Variants in GTF2E2 observed in about 807,000 individuals in gnomAD.
GTF2E2 encodes transcription initiation factor IIE subunit beta.
GTF2E2 carries 21 observed loss-of-function variants against 40.5 expected under a neutral mutation model. The observed-to-expected ratio is 0.52, with a 90% CI of 0.37 to 0.75. GTF2E2 has a LOEUF of 0.75. Ranked by LOEUF, GTF2E2 falls within the 30% of genes least tolerant of loss-of-function variation. The probability of loss-of-function intolerance (pLI) is 0.00; values close to 1 mark genes in which losing one functional copy is unlikely to be tolerated. For synonymous variants in GTF2E2, 117 were observed against 121.6 expected (o/e 0.96, Z 0.25); for missense variants, 298 against 338.4 (o/e 0.88, Z 0.94).
chr8:30,593,529 G>A (rs1383133505), intron 6 of GTF2E2, among the ~76,000 whole-genome samples: 5 of 152,192 alleles, frequency 3.3e-5, no homozygotes, highest in Admixed American at 2.0e-4. Context: ...CTGTGGCTCC[G>A]TCACCCAAAC....
Position 30,606,636 on chromosome 8 carries a change from C to G in GTF2E2, c.643+421G>C, listed in dbSNP as rs1054422497. 3.3e-5 allele frequency among the ~76,000 whole-genome samples: 5 copies of G among 152,330 alleles called. No individual in the cohort carries two copies. The East Asian group carries it at 9.6e-4, about 29-fold the overall frequency. ...CAATTTCCAGAAAGAAAAACATCAT[C>G]TCCTTCCTTATTCAATTTGATAACT... On this transcript the variant is annotated intron_variant, in intron 6 of 7. Transcript: ENST00000355904.
chr8:30,649,356 C>A (rs529858205), intron 2 of GTF2E2, among the ~76,000 whole-genome samples: 1 of 151,300 alleles, frequency 6.6e-6, no homozygotes, highest in East Asian at 2.0e-4. Flanking sequence ...GTAAACTAAA[C>A]CCAAAGCAAG....
chr8:30,596,494 C>T (rs1471986938), intron 6 of GTF2E2, among the ~76,000 whole-genome samples: 2 of 152,118 alleles, frequency 1.3e-5, no homozygotes, highest in Non-Finnish European at 2.9e-5. Flanking sequence ...CCTACCTGAC[C>T]ATACAAGTTG....
At position 30,580,277 on chromosome 8, in the gene GTF2E2, G is replaced by C. The variant is rs569314584; in HGVS notation, c.759+4C>G. ...ATTAAGCTGCTTTGCTAGAGATTAC[G>C]CACCACTTTCTTTGGTCCAGATTCC... On this transcript the variant is annotated splice_donor_region_variant and intron_variant, in intron 7 of 7. Coordinates refer to ENST00000355904, the MANE Select transcript of GTF2E2 (RefSeq NM_002095.6). The C allele has an allele frequency of 1.3e-6, 2 of 1,492,304 alleles. No individual in the cohort carries two copies. The highest frequency in any genetic ancestry group is 2.8e-5 in the African/African-American group (2 of 72,640). 92.4% of individuals were successfully genotyped at this position (1,492,304 alleles called of 1,614,324 possible). A position where few individuals can be genotyped will look rare whatever the true frequency, so the allele number is the denominator to read the frequency against.
At chr8:30,608,432 T>C (rs1829383876) in intron 5 of GTF2E2, among the ~76,000 whole-genome samples, 1 of 152,230 alleles carries the variant, frequency 6.6e-6, no homozygotes, top group African/African-American at 2.4e-5. Flanking sequence ...TTCCAAAAAT[T>C]ACTTGATACA....
chr8:30,589,441 T>G (rs570338474), intron 6 of GTF2E2, among the ~76,000 whole-genome samples: 1 of 152,330 alleles, frequency 6.6e-6, no homozygotes, highest in Admixed American at 6.5e-5. Flanking sequence ...CATATGCCTG[T>G]AGTCCCAGCT....
At chr8:30,591,470 T>C (rs1489341776) in intron 6 of GTF2E2, among the ~76,000 whole-genome samples, 2 of 151,712 alleles carry the variant, frequency 1.3e-5, no homozygotes, top group Non-Finnish European at 2.9e-5. Context: ...GGAAACAGAG[T>C]GAGACCCTGT....
At chr8:30,641,288 T>C (rs940079161) in intron 2 of GTF2E2, among the ~76,000 whole-genome samples, 1 of 152,214 alleles carries the variant, frequency 6.6e-6, no homozygotes, top group Non-Finnish European at 1.5e-5. Flanking sequence ...GCTTAGACAC[T>C]TCCAGCAAAG....
chr8:30,650,227 T>G (rs1195322160), intron 2 of GTF2E2, among the ~76,000 whole-genome samples: 1 of 152,104 alleles, frequency 6.6e-6, no homozygotes, highest in Non-Finnish European at 1.5e-5. Flanking sequence ...TAAAAATGAT[T>G]ATACACCATA....
intron 6 of GTF2E2, chr8:30,584,879 T>C (rs1303480675): frequency 6.6e-6 from 1 of 152,184 alleles, no homozygotes; most frequent in Non-Finnish European, 1.5e-5. Flanking sequence ...TTTCTTCATC[T>C]GTAAAGTGAG....
chr8:30,644,343 G>A (rs1311759213), intron 2 of GTF2E2: 1 of 151,972 alleles, frequency 6.6e-6, no homozygotes, highest in Admixed American at 6.6e-5. Flanking sequence ...TATGTCTATG[G>A]GTCACTCAGG....
chr8:30,633,537 G>A (rs887576584), intron 3 of GTF2E2, among the ~76,000 whole-genome samples: 24 of 152,124 alleles, frequency 1.6e-4, no homozygotes, highest in African/African-American at 5.6e-4. Flanking sequence ...TATGTACAAA[G>A]GGGTACACAG....
chr8:30,635,545 G>A (rs1325108990), intron 2 of GTF2E2, among the ~76,000 whole-genome samples: 1 of 151,872 alleles, frequency 6.6e-6, no homozygotes, highest in East Asian at 1.9e-4. Flanking sequence ...ACCATGCCTG[G>A]CTAATTTTTT....
At chr8:30,643,251 T>A (rs774744367) in intron 2 of GTF2E2, among the ~76,000 whole-genome samples, 6 of 152,190 alleles carry the variant, frequency 3.9e-5, no homozygotes, top group Non-Finnish European at 8.8e-5. Flanking sequence ...AGATATATAT[T>A]GAAATATTTC....
intron 3 of GTF2E2, among the ~76,000 whole-genome samples, chr8:30,620,633 G>T (rs1801065467): frequency 6.6e-6 from 1 of 151,800 alleles, no homozygotes; most frequent in Admixed American, 6.6e-5. Context: ...ATTTTAATAA[G>T]AGTTAGCCGA....
At chr8:30,591,821 A>G (rs1249716114) in intron 6 of GTF2E2, among the ~76,000 whole-genome samples, 1 of 152,250 alleles carries the variant, frequency 6.6e-6, no homozygotes, top group East Asian at 1.9e-4. Context: ...AAAAACTTGT[A>G]TAGGTATGTT....
At chr8:30,600,306 C>T (rs1193346015) in intron 6 of GTF2E2, among the ~76,000 whole-genome samples, 1 of 152,068 alleles carries the variant, frequency 6.6e-6, no homozygotes, top group Non-Finnish European at 1.5e-5. Flanking sequence ...AAATAAATAA[C>T]CAGGTTAAGT....
At chr8:30,579,873 G>A (rs1828460279) in intron 7 of GTF2E2, among the ~76,000 whole-genome samples, 1 of 152,188 alleles carries the variant, frequency 6.6e-6, no homozygotes, top group Admixed American at 6.5e-5. Flanking sequence ...AGTTACTATG[G>A]CAGAACCAGG....
At chr8:30,589,182 AG>A (rs1284199190) in intron 6 of GTF2E2, among the ~76,000 whole-genome samples, 1 of 152,204 alleles carries the variant, frequency 6.6e-6, no homozygotes, top group Non-Finnish European at 1.5e-5. Flanking sequence ...ACTTGAATCC[AG>A]GAAGCAGAGG....
Sources: gnomAD v4.1 joint callset for allele counts (sites outside exome capture counted in the v4.1 genomes callset) on GRCh38, gnomAD v4.1.1 for gene constraint, MANE v1.5 for transcripts, NCBI Gene and HGNC (gene_info 2026-07-23, HGNC 2026-07-21) for gene names.